FBXW8: variants seen among roughly 807,000 people sequenced by gnomAD.
FBXW8 encodes the protein F-box/WD repeat-containing protein 8.
In FBXW8, 57 loss-of-function variants were observed where a neutral mutation model predicts 65.3. The observed-to-expected ratio is 0.87, with a 90% CI of 0.71 to 1.09. The LOEUF (loss-of-function observed/expected upper bound fraction) is 1.09. Among genes scored for constraint, FBXW8 ranks in the 50% least tolerant of loss-of-function variants. The probability of loss-of-function intolerance (pLI) is 0.00; values close to 1 mark genes in which losing one functional copy is unlikely to be tolerated. For synonymous variants in FBXW8, 308 were observed against 330.2 expected, an observed-to-expected ratio of 0.93 and a Z score of 0.73; for missense variants, 777 against 814.8, an observed-to-expected ratio of 0.95 and a Z score of 0.57.
chr12:117,028,289 G>A lies in FBXW8; in HGVS notation c.*117G>A, dbSNP rs1471371969. ...ATTTAGGGGAAGAAAGCAGCCCAGG[G>A]TGCCATGCCTGACAGCACGCATCTC... On this transcript the variant is annotated 3_prime_UTR_variant, in exon 11 of 11. Coordinates refer to ENST00000652555, the MANE Select transcript of FBXW8 (RefSeq NM_153348.3). The surrounding 1 kb of genome is among the most constrained non-coding windows in gnomAD (Gnocchi z 4.1). 2.3e-6 allele frequency: 3 copies of A among 1,303,164 alleles called. No homozygotes were observed. Among genetic ancestry groups the A allele is most frequent in the Non-Finnish European group, 3.2e-6 (3 of 950,176 alleles). The allele number at this position is 1,303,164 out of a possible 1,614,324, so 80.7% of individuals were successfully genotyped here.
chr12:116,942,810 C>T (rs1882693196), intron 2 of FBXW8, among the ~76,000 whole-genome samples: 1 of 125,764 alleles, frequency 8.0e-6, no homozygotes, highest in Non-Finnish European at 1.6e-5. Context: ...CGGGGTCTCA[C>T]TCTGTTGCCC....
In FBXW8 at chr12:116,985,245, C is replaced by G. The variant is rs1175677041; in HGVS notation, c.875C>G (p.Pro292Arg). The G allele has an allele frequency of 1.2e-6, 2 of 1,613,454 alleles. No individual in the cohort carries two copies. The highest frequency in any genetic ancestry group is 2.2e-5 in the South Asian group (2 of 90,784). The change falls in exon 6 of 11, where the codon CCT becomes CGT. Residue 292 changes from proline to arginine, a missense_variant. Coordinates refer to ENST00000652555, the MANE Select transcript of FBXW8 (RefSeq NM_153348.3). ...TGGGATTTAAGGACCGGAAAGTACC[C>G]TGTTCATCGTTTTGAGCACGATGCA... is the stretch of plus-strand genomic sequence containing the variant. ...NIWDLRTGKY[P>R]VHRFEHDARI...
chr12:117,030,874 T>C lies in FBXW8; in HGVS notation c.*2702T>C, dbSNP rs1184978759. 2 of 152,234 alleles carry C rather than the reference T, an allele frequency of 1.3e-5. No homozygotes were observed. Among genetic ancestry groups the C allele is most frequent in the Non-Finnish European group, 2.9e-5 (2 of 68,042 alleles). The allele number at this position is 152,234 out of a possible 1,614,324, so 9.4% of individuals were successfully genotyped here. ...ATAAATGCTCCTTTATAAGCCAACA[T>C]GTATCCAAATTAAGCCCCCTTACCT... On this transcript the variant is annotated 3_prime_UTR_variant, in exon 11 of 11. Transcript: ENST00000652555.
intron 9 of FBXW8, among the ~76,000 whole-genome samples, chr12:117,027,008 A>G (rs1040980653): frequency 5.3e-5 from 8 of 152,076 alleles, no homozygotes; most frequent in Non-Finnish European, 1.2e-4. Context: ...AGTGCTCCAT[A>G]GATGATGGAG....
At chr12:116,962,842 C>T (rs753337987) in intron 4 of FBXW8, among the ~76,000 whole-genome samples, 3 of 152,140 alleles carry the variant, frequency 2.0e-5, no homozygotes, top group South Asian at 2.1e-4. Context: ...TGGCCTGAGT[C>T]GTTCTCAGGG....
At chr12:116,953,845 G>T (rs1883448521) in intron 4 of FBXW8, among the ~76,000 whole-genome samples, 1 of 151,620 alleles carries the variant, frequency 6.6e-6, no homozygotes, top group Admixed American at 6.6e-5. Flanking sequence ...GCCGGGCATG[G>T]TGGCTCACGC....
chr12:116,932,133 A>G (rs1881817911), intron 2 of FBXW8, among the ~76,000 whole-genome samples: 1 of 152,072 alleles, frequency 6.6e-6, no homozygotes, highest in Admixed American at 6.5e-5. Flanking sequence ...AATGCATTGT[A>G]TTACATTTAT....
intron 5 of FBXW8, chr12:116,979,270 C>T (rs1885145274): frequency 1.3e-5 from 2 of 152,260 alleles, no homozygotes; most frequent in Non-Finnish European, 1.5e-5. Context: ...TTACCACACT[C>T]TGGCTGGCCT....
chr12:116,981,350 G>A (rs1220301647), intron 5 of FBXW8, among the ~76,000 whole-genome samples: 1 of 152,196 alleles, frequency 6.6e-6, no homozygotes, highest in South Asian at 2.1e-4. Context: ...TGCAAACCTT[G>A]CAGAAGCTGC....
intron 1 of FBXW8, among the ~76,000 whole-genome samples, chr12:116,917,135 G>C (rs974694096): frequency 6.6e-6 from 1 of 152,196 alleles, no homozygotes; most frequent in Non-Finnish European, 1.5e-5. Context: ...TGGATACAGA[G>C]AGACATGAAC....
intron 4 of FBXW8, among the ~76,000 whole-genome samples, chr12:116,956,142 GT>G (rs1883628961): frequency 6.6e-6 from 1 of 152,050 alleles, no homozygotes; most frequent in South Asian, 2.1e-4. Context: ...CAACCTGTTT[GT>G]GTTGAGGTTT....
chr12:116,966,497 G>A (rs1232852645), intron 5 of FBXW8, among the ~76,000 whole-genome samples: 2 of 152,170 alleles, frequency 1.3e-5, no homozygotes, highest in Admixed American at 6.5e-5. Context: ...TGCTGCGGTG[G>A]TCGTGCTGTT....
At chr12:116,989,673 A>G (rs1276122684) in intron 7 of FBXW8, among the ~76,000 whole-genome samples, 1 of 152,208 alleles carries the variant, frequency 6.6e-6, no homozygotes, top group African/African-American at 2.4e-5. Context: ...TCTCCCTACC[A>G]GTGGGACCAA....
chr12:117,012,088 G>C (rs934580909), intron 8 of FBXW8, among the ~76,000 whole-genome samples: 1 of 152,032 alleles, frequency 6.6e-6, no homozygotes, highest in Non-Finnish European at 1.5e-5. Flanking sequence ...AATTGCAGGG[G>C]GTCTTGGAAC....
intron 2 of FBXW8, among the ~76,000 whole-genome samples, chr12:116,943,053 A>G (rs1047739062): frequency 6.6e-6 from 1 of 151,916 alleles, no homozygotes; most frequent in Non-Finnish European, 1.5e-5. Context: ...TTTAACAGAT[A>G]ATTTCTATCT....
intron 8 of FBXW8, among the ~76,000 whole-genome samples, chr12:117,016,930 A>G (rs1410950162): frequency 1.3e-5 from 2 of 152,224 alleles, no homozygotes; most frequent in Non-Finnish European, 2.9e-5. Context: ...ACTGTTGAAA[A>G]TCAATGGACT....
chr12:116,920,899 T>C (rs1248708582), intron 1 of FBXW8, among the ~76,000 whole-genome samples: 1 of 152,178 alleles, frequency 6.6e-6, no homozygotes, highest in African/African-American at 2.4e-5. Context: ...CCACACCCAC[T>C]GTGGTACCCC....
At chr12:116,916,911 T>TGAGA (rs112182660) in intron 1 of FBXW8, among the ~76,000 whole-genome samples, 18,865 of 145,542 alleles carry the variant, frequency 0.13, 1,275 homozygotes, top group South Asian at 0.26. Context: ...TGTGTGTGTG[T>TGAGA]GAGAGAGAGA....
chr12:116,964,713 G>A lies in FBXW8; in HGVS notation c.694G>A (p.Val232Met). Residue 232 changes from valine (V) to methionine (M), a missense_variant, in exon 5 of 11, where the codon GTG becomes ATG. Coordinates refer to ENST00000652555, the MANE Select transcript of FBXW8 (RefSeq NM_153348.3). ...VVIAGYTSGD[V>M]RVWDTRTWDY... ...CTCTTCCAGATATACATCAGGGGAT[G>A]TGAGAGTGTGGGACACCCGCACCTG... 2 of 1,613,806 alleles carry A rather than the reference G, an allele frequency of 1.2e-6. No homozygotes were observed. Among genetic ancestry groups the A allele is most frequent in the African/African-American group, 1.3e-5 (1 of 75,022 alleles).
Sources: gnomAD v4.1 joint callset for allele counts (sites outside exome capture counted in the v4.1 genomes callset) on GRCh38, gnomAD v4.1.1 for gene constraint, Gnocchi (gnomAD v3.1) non-coding constraint, MANE v1.5 for transcripts, NCBI Gene and HGNC (gene_info 2026-07-23, HGNC 2026-07-21) for gene names.